Variants in PALS1 observed in about 807,000 individuals in gnomAD.
PALS1 encodes protein associated with LIN7 1, MAGUK p55 family member, also known as protein PALS1.
Under a neutral mutation model 78.9 loss-of-function variants are expected in PALS1, and 31 were observed. That is an observed-to-expected ratio of 0.39 (90% CI 0.30 to 0.53). The LOEUF (loss-of-function observed/expected upper bound fraction) is 0.53, where lower values mean the gene tolerates loss of function less well. Ranked by LOEUF, PALS1 falls within the 20% of genes least tolerant of loss-of-function variation. The pLI is 0.67. For synonymous variants in PALS1, 276 were observed against 270.9 expected (o/e 1.02, Z -0.18); for missense variants, 704 against 826.5 (o/e 0.85, Z 1.82).
chr14:67,255,323 A>G (rs111978797), intron 1 of PALS1, among the ~76,000 whole-genome samples: 1,774 of 152,320 alleles, frequency 0.012, 36 homozygotes, highest in African/African-American at 0.039. Context: ...TGAGTTTGTC[A>G]TTGTGAGTTA....
chr14:67,310,321 T>C (rs569495001), intron 8 of PALS1, among the ~76,000 whole-genome samples: 1 of 152,304 alleles, frequency 6.6e-6, no homozygotes, highest in South Asian at 2.1e-4. Flanking sequence ...CACAACACTT[T>C]CAAATTTGGT....
At chr14:67,311,654 GA>G (rs1353511625) in intron 8 of PALS1, among the ~76,000 whole-genome samples, 1 of 152,114 alleles carries the variant, frequency 6.6e-6, no homozygotes, top group Non-Finnish European at 1.5e-5. Flanking sequence ...AGGCATATTG[GA>G]AGAAATGGCA....
At chr14:67,255,627 G>T (rs142803883) in intron 1 of PALS1, among the ~76,000 whole-genome samples, 1 of 152,112 alleles carries the variant, frequency 6.6e-6, no homozygotes, top group Non-Finnish European at 1.5e-5. Context: ...ATAACACTTC[G>T]ATTACTTTTC....
intron 13 of PALS1, 54 bp downstream of exon 13, chr14:67,321,313 GTAATC>G: frequency 1.3e-6 from 2 of 1,545,608 alleles, no homozygotes; most frequent in South Asian, 2.2e-5. Context: ...GTCATATAGA[GTAATC>G]TAGTGGAAGC....
chr14:67,244,620 G>A (rs1264247445), intron 1 of PALS1, among the ~76,000 whole-genome samples: 4 of 152,192 alleles, frequency 2.6e-5, no homozygotes, highest in African/African-American at 9.7e-5. Context: ...GGACATTTGA[G>A]TTGTTTTCAG....
chr14:67,316,969 T>A (rs2085185732), intron 10 of PALS1, 66 bp downstream of exon 10: 1 of 1,280,680 alleles, frequency 7.8e-7, no homozygotes, highest in Non-Finnish European at 1.1e-6. Context: ...CATGTGTGAA[T>A]CTGCATATTA....
chr14:67,310,096 A>G (rs1397976265), intron 8 of PALS1, among the ~76,000 whole-genome samples: 1 of 152,004 alleles, frequency 6.6e-6, no homozygotes, highest in Admixed American at 6.6e-5. Context: ...ATTTCTAGAT[A>G]AAACTACATA....
chr14:67,270,894 G>GA (rs2084397458), intron 2 of PALS1: 1 of 152,184 alleles, frequency 6.6e-6, no homozygotes, highest in Non-Finnish European at 1.5e-5. Flanking sequence ...TAGAATTAGG[G>GA]ACTTGAGGGA....
intron 14 of PALS1, among the ~76,000 whole-genome samples, chr14:67,327,900 G>T (rs1286346659): frequency 6.6e-6 from 1 of 152,148 alleles, no homozygotes; most frequent in Non-Finnish European, 1.5e-5. Context: ...GATTTGGGTT[G>T]GTTCCAAGTC....
chr14:67,312,447 A>G lies in PALS1; in HGVS notation c.1042-80A>G, dbSNP rs562937455. The G allele has an allele frequency of 3.0e-6, 3 of 1,016,734 alleles. No individual in the cohort carries two copies. The South Asian group carries it at 8.4e-5, about 28-fold the overall frequency. 63.0% of individuals were successfully genotyped at this position (1,016,734 alleles called of 1,614,324 possible). A position where few individuals can be genotyped will look rare whatever the true frequency, so the allele number is the denominator to read the frequency against. On this transcript the variant is annotated intron_variant, in intron 8 of 14. Transcript: ENST00000261681. ...TTTTAAAATTAAAAAATAATAAAAA[A>G]TTTGTAGCATTTAAATTGTATTCAT...
chr14:67,305,202 A>G (rs955721085), intron 8 of PALS1, among the ~76,000 whole-genome samples: 10 of 152,086 alleles, frequency 6.6e-5, no homozygotes, highest in African/African-American at 2.4e-4. Flanking sequence ...GTTGGAATAT[A>G]CTCCTACTTA....
Position 67,335,478 on chromosome 14 carries a change from A to ATAAC in PALS1, c.*2524_*2527dup, listed in dbSNP as rs1179262156. On this transcript the variant is annotated 3_prime_UTR_variant, in exon 15 of 15. Coordinates refer to ENST00000261681, the MANE Select transcript of PALS1 (RefSeq NM_022474.4). ...AAATAAGGAAGTTTTAGGTTGGTGC[A>ATAAC]TAACTTTGTTTCTCAAATTTTCGTT... 6.5e-6 allele frequency: 1 copy of ATAAC among 152,722 alleles called. No individual in the cohort carries two copies. The highest frequency in any genetic ancestry group is 1.5e-5 in the Non-Finnish European group (1 of 68,034). The allele number at this position is 152,722 out of a possible 1,614,324, so 9.5% of individuals were successfully genotyped here. A position where few individuals can be genotyped will look rare whatever the true frequency, so the allele number is the denominator to read the frequency against.
intron 1 of PALS1, among the ~76,000 whole-genome samples, chr14:67,268,021 GCTCCTATGCATA>G (rs2084355852): frequency 6.6e-6 from 1 of 151,872 alleles, no homozygotes; most frequent in South Asian, 2.1e-4. Flanking sequence ...TATTAATATT[GCTCCTATGCATA>G]CTCATTACAA....
intron 14 of PALS1, among the ~76,000 whole-genome samples, chr14:67,326,549 T>C (rs1487299424): frequency 6.6e-6 from 1 of 152,200 alleles, no homozygotes; most frequent in Non-Finnish European, 1.5e-5. Flanking sequence ...AATGTGTACC[T>C]GTGTAACCAC....
chr14:67,316,009 C>T (rs117512433), intron 9 of PALS1, among the ~76,000 whole-genome samples: 1,834 of 152,302 alleles, frequency 0.012, 19 homozygotes, highest in Non-Finnish European at 0.018. Flanking sequence ...ACGAAATGCA[C>T]TAAGTTCTAC....
At chr14:67,287,335 A>G (rs946137276) in intron 3 of PALS1, among the ~76,000 whole-genome samples, 1 of 152,072 alleles carries the variant, frequency 6.6e-6, no homozygotes, top group Admixed American at 6.6e-5. Context: ...ATATTGGATT[A>G]AAAGCCATTG....
chr14:67,302,438 C>T lies in PALS1; in HGVS notation c.830C>T (p.Ser277Phe). 1 of 1,596,716 alleles carries T rather than the reference C, an allele frequency of 6.3e-7. No homozygotes were observed. The highest frequency in any genetic ancestry group is 1.1e-5 in the South Asian group (1 of 88,614). Residue 277 changes from serine to phenylalanine, a missense_variant, in exon 7 of 15, where the codon TCT (serine) becomes TTT (phenylalanine). Ser to Phe is a radical substitution (Grantham distance 155). Coordinates refer to ENST00000261681, the MANE Select transcript of PALS1 (RefSeq NM_022474.4). Reference sequence around the variant, plus strand: ...GCTACAGTTCGTAATGAAATGGACTCTGTCATCATTAGCCGGATAGTAAAA... The same window carrying T: ...GCTACAGTTCGTAATGAAATGGACTTTGTCATCATTAGCCGGATAGTAAAA... ...LGATVRNEMDSVIISRIVKGG... is the reference protein window; with the variant it reads ...LGATVRNEMDFVIISRIVKGG...
At chr14:67,304,849 G>C (rs1394948951) in intron 8 of PALS1, among the ~76,000 whole-genome samples, 1 of 152,164 alleles carries the variant, frequency 6.6e-6, no homozygotes, top group Non-Finnish European at 1.5e-5. Context: ...ATGGAAGCTT[G>C]ATGTATTGCA....
chr14:67,249,054 C>G (rs980528119), intron 1 of PALS1, among the ~76,000 whole-genome samples: 4 of 152,112 alleles, frequency 2.6e-5, no homozygotes, highest in African/African-American at 9.6e-5. Flanking sequence ...CCTCTGCCTC[C>G]CGGGTTCAAG....
Sources: allele counts gnomAD v4.1 joint callset (sites outside exome capture counted in the v4.1 genomes callset), GRCh38; gene constraint gnomAD v4.1.1; transcripts MANE v1.5; gene names NCBI Gene and HGNC (gene_info 2026-07-23, HGNC 2026-07-21).